Variants in SAG observed in about 807,000 individuals in gnomAD.
SAG encodes the protein S-arrestin.
In SAG, 45 loss-of-function variants were observed where a neutral mutation model predicts 55.0. The observed-to-expected ratio is 0.82, with a 90% CI of 0.64 to 1.05. SAG has a LOEUF of 1.05. Among genes scored for constraint, SAG ranks in the 50% least tolerant of loss-of-function variants. The pLI, the probability that SAG is intolerant of heterozygous loss-of-function variation, is 0.00. For missense variants in SAG, 455 were observed against 512.1 expected (o/e 0.89, Z 1.08); for synonymous variants, 189 against 197.4 (o/e 0.96, Z 0.36).
chr2:233,315,280 T>C (rs995897944), intron 2 of SAG, among the ~76,000 whole-genome samples: 7 of 126,878 alleles, frequency 5.5e-5, no homozygotes, highest in Non-Finnish European at 1.2e-4. Context: ...GTCCAGAAGT[T>C]CTTTTTTTTT....
chr2:233,340,373 C>T lies in SAG; in HGVS notation c.1023-82C>T. The T allele has an allele frequency of 8.1e-7, 1 of 1,242,068 alleles. No homozygotes were observed. Among genetic ancestry groups the T allele is most frequent in the Non-Finnish European group, 1.2e-6 (1 of 855,012 alleles). The allele number at this position is 1,242,068 out of a possible 1,614,324, so 76.9% of individuals were successfully genotyped here. On this transcript the variant is annotated intron_variant, in intron 12 of 15. Transcript: ENST00000409110. This position sits in a 1 kb window ranked among gnomAD's most constrained non-coding sequence, Gnocchi z 4.2. ...GGGTGCAAGGGCCATGAGAGCTGGG[C>T]TGTGTCCTGCCTCTGAATCATGGGA... is the stretch of plus-strand genomic sequence containing the variant.
chr2:233,334,992 C>T lies in SAG; in HGVS notation c.837C>T (p.Thr279=), dbSNP rs1274130138. 4 of 1,613,878 alleles carry T rather than the reference C, an allele frequency of 2.5e-6. No individual in the cohort carries two copies. The highest frequency in any genetic ancestry group is 2.7e-5 in the African/African-American group (2 of 74,916). ...AAGTGCCACCAAACAGCACTTTGACCAAGACGCTGACGCTGCTGCCCTTGC... is the reference window on the plus strand; with the variant it reads ...AAGTGCCACCAAACAGCACTTTGACTAAGACGCTGACGCTGCTGCCCTTGC... ...QEKVPPNSTL[T]KTLTLLPLLA... is the part of the protein sequence containing the mutation. The change falls in exon 11 of 16, where the codon ACC becomes ACT. Residue 279 remains threonine, a synonymous_variant. Coordinates refer to ENST00000409110, the MANE Select transcript of SAG (RefSeq NM_000541.5).
chr2:233,327,118 C>T lies in SAG; in HGVS notation c.436-3C>T, dbSNP rs1700584576. Reference sequence around the variant, plus strand: ...CTGCCTGTCTGCTCTCTCTCCCCAACAGTCCTGTGGGGTTGACTTTGAGGT... The same window carrying T: ...CTGCCTGTCTGCTCTCTCTCCCCAATAGTCCTGTGGGGTTGACTTTGAGGT... On this transcript the variant is annotated splice_region_variant and splice_polypyrimidine_tract_variant and intron_variant, in intron 6 of 15. Coordinates refer to ENST00000409110, the MANE Select transcript of SAG (RefSeq NM_000541.5). 2 of 1,613,138 alleles carry T rather than the reference C, an allele frequency of 1.2e-6. No individual in the cohort carries two copies. Among genetic ancestry groups the T allele is most frequent in the Non-Finnish European group, 1.7e-6 (2 of 1,179,220 alleles).
intron 6 of SAG, 150 bp downstream of exon 6, chr2:233,323,155 C>A: frequency 1.5e-6 from 1 of 657,028 alleles, no homozygotes; most frequent in Non-Finnish European, 2.7e-6. Context: ...GGTTTCTGGG[C>A]TCAAGTGATT....
chr2:233,337,217 A>G (rs905570105), intron 11 of SAG, among the ~76,000 whole-genome samples: 3 of 149,992 alleles, frequency 2.0e-5, no homozygotes, highest in African/African-American at 7.4e-5. Flanking sequence ...CCAGATAAAG[A>G]TATTCTGTCC....
chr2:233,333,810 G>A (rs1169778303), intron 10 of SAG: 1 of 152,218 alleles, frequency 6.6e-6, no homozygotes, highest in African/African-American at 2.4e-5. Flanking sequence ...CATTAAGAGA[G>A]GTTCCACCAG....
intron 2 of SAG, among the ~76,000 whole-genome samples, chr2:233,314,158 G>T (rs1384788453): frequency 6.6e-6 from 1 of 151,712 alleles, no homozygotes; most frequent in African/African-American, 2.4e-5. Context: ...GGAAGCAGGG[G>T]TTGCAGTGAG....
chr2:233,312,367 T>A (rs533381553), intron 2 of SAG, among the ~76,000 whole-genome samples: 3 of 152,302 alleles, frequency 2.0e-5, no homozygotes, highest in East Asian at 1.9e-4. Flanking sequence ...AGTTTGCTGC[T>A]GGCATGAGCT....
At chr2:233,330,143 C>A (rs1319774170) in intron 9 of SAG, among the ~76,000 whole-genome samples, 1 of 152,214 alleles carries the variant, frequency 6.6e-6, no homozygotes, top group Non-Finnish European at 1.5e-5. Flanking sequence ...CAAAAAGCAT[C>A]AAAGCACAGG....
rs1000777294 is a variant in SAG at position 233,319,497 on chromosome 2, C to G, written c.181+702C>G. The G allele has an allele frequency of 9.7e-6, 7 of 720,464 alleles. No individual in the cohort carries two copies. Among genetic ancestry groups the G allele is most frequent in the Non-Finnish European group, 1.0e-5 (6 of 585,514 alleles). 44.6% of individuals were successfully genotyped at this position (720,464 alleles called of 1,614,324 possible). A position where few individuals can be genotyped will look rare whatever the true frequency, so the allele number is the denominator to read the frequency against. Reference sequence around the variant, plus strand: ...CTGACTCAGTTCCATTCTAAATATGCCTTTTTGAGTGTTGCTACTGGCAAC... The same window carrying G: ...CTGACTCAGTTCCATTCTAAATATGGCTTTTTGAGTGTTGCTACTGGCAAC... On this transcript the variant is annotated intron_variant, in intron 4 of 15. Transcript: ENST00000409110. This position sits in a 1 kb window ranked among gnomAD's most constrained non-coding sequence, Gnocchi z 4.4.
At chr2:233,336,332 T>G (rs898447190) in intron 11 of SAG, among the ~76,000 whole-genome samples, 4 of 152,046 alleles carry the variant, frequency 2.6e-5, no homozygotes, top group Non-Finnish European at 4.4e-5. Context: ...CTGGCCAACA[T>G]GGTGAAACCC....
chr2:233,340,918 A>G lies in SAG; in HGVS notation c.1046+440A>G, dbSNP rs1022357975. On this transcript the variant is annotated intron_variant, in intron 13 of 15. Coordinates refer to ENST00000409110, the MANE Select transcript of SAG (RefSeq NM_000541.5). The surrounding 1 kb of genome is among the most constrained non-coding windows in gnomAD (Gnocchi z 4.2). ...GACCTCCACTTCCTGGGTTCAGGCA[A>G]TCCTCCCGCCTCAGCCTCCTGAGTA... 3.9e-5 allele frequency among the ~76,000 whole-genome samples: 6 copies of G among 151,984 alleles called. No individual in the cohort carries two copies. Among genetic ancestry groups the G allele is most frequent in the East Asian group, 1.9e-4 (1 of 5,204 alleles).
At chr2:233,339,238 T>G in intron 12 of SAG, among the ~76,000 whole-genome samples, 1 of 152,268 alleles carries the variant, frequency 6.6e-6, no homozygotes, top group East Asian at 1.9e-4. Flanking sequence ...CTCAGAGTTT[T>G]AAGGGAACAG....
intron 10 of SAG, 54 bp downstream of exon 10, chr2:233,331,766 G>A: frequency 7.9e-7 from 1 of 1,263,144 alleles, no homozygotes; most frequent in Non-Finnish European, 1.1e-6. Flanking sequence ...TCTGTGTCAA[G>A]TTTCTCGCCG....
intron 12 of SAG, among the ~76,000 whole-genome samples, chr2:233,339,537 GTTTTTTTTTT>G (rs10711990): frequency 7.7e-6 from 1 of 129,332 alleles, no homozygotes; most frequent in Non-Finnish European, 1.6e-5. Flanking sequence ...TTAGCATAGT[GTTTTTTTTTT>G]TTTTTTTTTC....
rs184367367 is a variant in SAG, at chr2:233,322,173, G to A, written c.376-773G>A. ...TGCACTCCAGCCTGGGTGACAGAGCGAGACTCTGTCTCAAAAAAAAAAAAA... is the reference window on the plus strand; with the variant it reads ...TGCACTCCAGCCTGGGTGACAGAGCAAGACTCTGTCTCAAAAAAAAAAAAA... On this transcript the variant is annotated intron_variant, in intron 5 of 15. Transcript: ENST00000409110. Among the ~76,000 whole-genome samples, 847 of 124,734 alleles carry A rather than the reference G, an allele frequency of 6.8e-3. 6 individuals are homozygous for A. The highest frequency in any genetic ancestry group is 0.027 in the African/African-American group (804 of 30,244). 81.8% of individuals were successfully genotyped at this position (124,734 alleles called of 152,430 possible).
At chr2:233,336,957 A>C (rs1352358585) in intron 11 of SAG, among the ~76,000 whole-genome samples, 4 of 152,076 alleles carry the variant, frequency 2.6e-5, no homozygotes, top group Non-Finnish European at 1.5e-5. Context: ...TTAGCTGGGC[A>C]TGGTGGCACG....
chr2:233,324,849 G>T (rs1314161559), intron 6 of SAG, among the ~76,000 whole-genome samples: 6 of 152,150 alleles, frequency 3.9e-5, no homozygotes. Flanking sequence ...TTTGTCGCAG[G>T]GCATCTGCGA....
rs377659091 is a variant in SAG, at chr2:233,329,555, C to T, written c.711C>T (p.Thr237=). 1.3e-5 allele frequency: 21 copies of T among 1,611,830 alleles called. No homozygotes were observed. Among genetic ancestry groups the T allele is most frequent in the African/African-American group, 8.0e-5 (6 of 74,850 alleles). The change falls in exon 9 of 16, where the codon ACC becomes ACT. Residue 237 remains threonine, a synonymous_variant. Transcript: ENST00000409110. ...TVTVTNNTEK[T]VKKIKAFVEQ... is the part of the protein sequence containing the mutation. ...CTGTCACCAATAACACAGAGAAGAC[C>T]GTGAAGAAGATTAAAGCATTCGGTA...
Sources: allele counts gnomAD v4.1 joint callset (sites outside exome capture counted in the v4.1 genomes callset), GRCh38; gene constraint gnomAD v4.1.1; non-coding constraint Gnocchi (gnomAD v3.1); transcripts MANE v1.5; gene names NCBI Gene and HGNC (gene_info 2026-07-23, HGNC 2026-07-21).